Variants in SMAD3 observed in about 807,000 individuals in gnomAD.
The protein encoded by SMAD3 is SMAD family member 3, also known as MAD homolog 3.
Under a neutral mutation model 51.8 loss-of-function variants are expected in SMAD3, and 12 were observed. That is an observed-to-expected ratio of 0.23 (90% confidence interval 0.15 to 0.38). The LOEUF (loss-of-function observed/expected upper bound fraction) is 0.38. SMAD3 is among the 10% of genes least tolerant of loss of function. SMAD3 has a pLI of 1.00. For synonymous variants in SMAD3, 238 were observed against 227.7 expected (o/e 1.05, Z -0.41); for missense variants, 294 against 565.6 (o/e 0.52, Z 4.87).
chr15:67,159,526 C>A (rs1172625141), intron 1 of SMAD3, among the ~76,000 whole-genome samples: 1 of 152,056 alleles, frequency 6.6e-6, no homozygotes, highest in Non-Finnish European at 1.5e-5. Flanking sequence ...ATAAGCCTTG[C>A]ATATTTAAAG....
At chr15:67,171,904 G>A (rs550551883) in intron 5 of SMAD3, among the ~76,000 whole-genome samples, 4 of 152,320 alleles carry the variant, frequency 2.6e-5, no homozygotes, top group African/African-American at 9.6e-5. Context: ...TGGTGAACTT[G>A]ACTCCGGGCT....
chr15:67,127,320 C>A (rs941673645), intron 1 of SMAD3, among the ~76,000 whole-genome samples: 2 of 152,180 alleles, frequency 1.3e-5, no homozygotes, highest in African/African-American at 4.8e-5. Flanking sequence ...AAAAGGAAAC[C>A]AAGAGGCTGA....
At chr15:67,158,137 A>G (rs1962333719) in intron 1 of SMAD3, among the ~76,000 whole-genome samples, 1 of 152,178 alleles carries the variant, frequency 6.6e-6, no homozygotes, top group African/African-American at 2.4e-5. Flanking sequence ...GCAACCAAGT[A>G]TATTTATGGT....
At chr15:67,070,405 T>A (rs371714265) in intron 1 of SMAD3, among the ~76,000 whole-genome samples, 1 of 152,242 alleles carries the variant, frequency 6.6e-6, no homozygotes, top group East Asian at 1.9e-4. Context: ...CCTTGGAACA[T>A]GCTGCTTGCA....
chr15:67,083,017 T>C (rs567063229), intron 1 of SMAD3, among the ~76,000 whole-genome samples: 1 of 152,240 alleles, frequency 6.6e-6, no homozygotes, highest in Non-Finnish European at 1.5e-5. Context: ...GTTGTCTTCC[T>C]GCCGTCTTGT....
intron 1 of SMAD3, among the ~76,000 whole-genome samples, chr15:67,105,291 G>A (rs1320027899): frequency 6.6e-6 from 1 of 152,160 alleles, no homozygotes; most frequent in Non-Finnish European, 1.5e-5. Context: ...GGGAGTAGCT[G>A]CCTCTGTTTG....
chr15:67,068,056 A>G (rs190364391), intron 1 of SMAD3, among the ~76,000 whole-genome samples: 31 of 152,298 alleles, frequency 2.0e-4, no homozygotes, highest in Admixed American at 1.8e-3. Context: ...GCAGCTGTGA[A>G]AAGTGTTTCA....
chr15:67,084,070 CTTTTTTTTTTT>C (rs56675753), intron 1 of SMAD3, among the ~76,000 whole-genome samples: 6 of 85,072 alleles, frequency 7.1e-5, no homozygotes, highest in East Asian at 3.8e-4. Flanking sequence ...CTTTTTTTTT[CTTTTTTTTTTT>C]TTTTTTTTTT....
At chr15:67,080,558 TC>T (rs1239933226) in intron 1 of SMAD3, among the ~76,000 whole-genome samples, 1 of 152,224 alleles carries the variant, frequency 6.6e-6, no homozygotes, top group Non-Finnish European at 1.5e-5. Context: ...AGCAGAGACT[TC>T]TGGGACCTGA....
intron 1 of SMAD3, among the ~76,000 whole-genome samples, chr15:67,082,543 C>T (rs1243323788): frequency 6.6e-6 from 1 of 152,188 alleles, no homozygotes; most frequent in Non-Finnish European, 1.5e-5. Flanking sequence ...GTGCATCTCT[C>T]TTGTTTTGAA....
At chr15:67,109,599 G>A (rs1457535956) in intron 1 of SMAD3, among the ~76,000 whole-genome samples, 1 of 152,162 alleles carries the variant, frequency 6.6e-6, no homozygotes, top group African/African-American at 2.4e-5. Flanking sequence ...GTGAGGTTAT[G>A]AAAGCAAGCC....
chr15:67,122,384 T>C (rs1040174342), intron 1 of SMAD3, among the ~76,000 whole-genome samples: 39 of 152,344 alleles, frequency 2.6e-4, no homozygotes, highest in Admixed American at 2.2e-3. Context: ...TCTCTTGGTT[T>C]CCTCACCAGA....
At chr15:67,166,692 G>C (rs945835530) in intron 3 of SMAD3, 87 bp from the exon 4 acceptor site, 1 of 828,918 alleles carries the variant, frequency 1.2e-6, no homozygotes, top group Non-Finnish European at 2.1e-6. Context: ...TAGCATCATG[G>C]TGTGCATGTG....
intron 1 of SMAD3, among the ~76,000 whole-genome samples, chr15:67,110,490 A>C (rs562100176): frequency 6.6e-6 from 1 of 152,338 alleles, no homozygotes; most frequent in Admixed American, 6.5e-5. Flanking sequence ...GCACCTTGGT[A>C]GTCCCTCCCC....
chr15:67,179,307 CT>C (rs898838319), intron 5 of SMAD3, among the ~76,000 whole-genome samples: 11 of 152,228 alleles, frequency 7.2e-5, no homozygotes, highest in African/African-American at 2.4e-4. Context: ...TATCCGCAGC[CT>C]TTTTTTATTG....
At chr15:67,182,870 T>C (rs1387497184) in intron 6 of SMAD3, among the ~76,000 whole-genome samples, 1 of 150,976 alleles carries the variant, frequency 6.6e-6, no homozygotes, top group Non-Finnish European at 1.5e-5. Flanking sequence ...GGTCTTGCTA[T>C]GTTGCCCAGG....
intron 1 of SMAD3, among the ~76,000 whole-genome samples, chr15:67,141,638 CCTCCATTCAG>C (rs762998873): frequency 3.3e-4 from 50 of 152,288 alleles, no homozygotes; most frequent in Non-Finnish European, 1.6e-4. Context: ...CACAGAACAG[CCTCCATTCAG>C]CTCCATACAT....
intron 8 of SMAD3, among the ~76,000 whole-genome samples, chr15:67,189,022 T>C (rs1200945322): frequency 6.6e-6 from 1 of 152,230 alleles, no homozygotes; most frequent in Non-Finnish European, 1.5e-5. Context: ...CTTACAACTA[T>C]GTTATGGCCT....
At position 67,138,026 on chromosome 15, in the gene SMAD3, C is replaced by A. The variant is rs958007552; in HGVS notation, c.207-26869C>A. On this transcript the variant is annotated intron_variant, in intron 1 of 8. Transcript: ENST00000327367. ...CCCTGTGACCTCCCAACTTCACAAA[C>A]ATGTCTTGCCTGCACCCTAGGCAAA... The A allele has an allele frequency of 8.2e-5, 127 of 1,549,448 alleles. No individual in the cohort carries two copies. Among genetic ancestry groups the A allele is most frequent in the Middle Eastern group, 3.3e-4 (2 of 6,014 alleles).
Sources: allele counts gnomAD v4.1 joint callset (sites outside exome capture counted in the v4.1 genomes callset), GRCh38; gene constraint gnomAD v4.1.1; transcripts MANE v1.5; gene names NCBI Gene and HGNC (gene_info 2026-07-23, HGNC 2026-07-21).